The following THSD7A variants were observed in gnomAD, a reference collection of about 807,000 sequenced individuals.
THSD7A encodes thrombospondin type-1 domain-containing protein 7A.
Under a neutral mutation model 231.3 loss-of-function variants are expected in THSD7A, and 96 were observed. The observed-to-expected ratio is 0.41, with a 90% confidence interval of 0.35 to 0.49. THSD7A has a LOEUF of 0.49. THSD7A is among the 20% of genes least tolerant of loss of function. THSD7A has a pLI of 0.05. For missense variants in THSD7A, 2,290 were observed against 2,070.2 expected (o/e 1.11, Z -2.06); for synonymous variants, 940 against 743.3 (o/e 1.26, Z -4.30).
At chr7:11,408,332 TA>T (rs939327549) in intron 19 of THSD7A, among the ~76,000 whole-genome samples, 5 of 151,304 alleles carry the variant, frequency 3.3e-5, no homozygotes, top group Admixed American at 6.6e-5. Flanking sequence ...TCACCTCTAC[TA>T]AAAAAAATAT....
At chr7:11,811,135 G>A (rs926561272) in intron 1 of THSD7A, among the ~76,000 whole-genome samples, 1 of 152,076 alleles carries the variant, frequency 6.6e-6, no homozygotes, top group Non-Finnish European at 1.5e-5. Context: ...TTAAAACTTG[G>A]TGATTTGTGT....
chr7:11,588,992 A>G (rs193033089), intron 4 of THSD7A, among the ~76,000 whole-genome samples: 1 of 152,258 alleles, frequency 6.6e-6, no homozygotes, highest in Admixed American at 6.5e-5. Context: ...CAACTGCAAA[A>G]CTTCAGTTTT....
chr7:11,618,321 A>G (rs1781177817), intron 2 of THSD7A, among the ~76,000 whole-genome samples: 1 of 152,216 alleles, frequency 6.6e-6, no homozygotes, highest in Admixed American at 6.5e-5. Flanking sequence ...TTGTATACAC[A>G]CATATTGTAT....
At chr7:11,609,584 A>G (rs1415940411) in intron 2 of THSD7A, among the ~76,000 whole-genome samples, 3 of 152,120 alleles carry the variant, frequency 2.0e-5, no homozygotes, top group African/African-American at 7.2e-5. Context: ...TTGTTGCCCA[A>G]CATAAGAAGA....
rs1315242997 is a variant in THSD7A at position 11,426,730 on chromosome 7, TCA to T, written c.3244-61_3244-60del. 3.3e-6 allele frequency: 5 copies of T among 1,512,136 alleles called. No homozygotes were observed. In the African/African-American group the frequency reaches 6.9e-5, roughly 21 times the overall value. The allele number at this position is 1,512,136 out of a possible 1,614,324, so 93.7% of individuals were successfully genotyped here. Reference sequence around the variant, plus strand: ...GAGAGAAATAAGGTAGGTGAAAATGTCAGTATGCTATGAGAAGAACACATGGT... The same window carrying T: ...GAGAGAAATAAGGTAGGTGAAAATGTGTATGCTATGAGAAGAACACATGGT... On this transcript the variant is annotated intron_variant, in intron 14 of 27. Coordinates refer to ENST00000423059, the MANE Select transcript of THSD7A (RefSeq NM_015204.3).
chr7:11,539,854 C>T (rs533990195), intron 6 of THSD7A, among the ~76,000 whole-genome samples: 7 of 152,246 alleles, frequency 4.6e-5, no homozygotes, highest in African/African-American at 1.4e-4. Flanking sequence ...AAATACTTTT[C>T]ACAATACCTG....
intron 1 of THSD7A, among the ~76,000 whole-genome samples, chr7:11,697,110 T>C (rs979106777): frequency 2.0e-5 from 3 of 151,482 alleles, no homozygotes; most frequent in African/African-American, 7.3e-5. Context: ...TATGGTTCTT[T>C]CAACATATGA....
chr7:11,631,867 C>A (rs1307618314), intron 2 of THSD7A, among the ~76,000 whole-genome samples: 1 of 152,130 alleles, frequency 6.6e-6, no homozygotes, highest in Non-Finnish European at 1.5e-5. Context: ...GAGGCTCAAT[C>A]CTGACCAATG....
chr7:11,694,436 T>G (rs1383532166), intron 1 of THSD7A, among the ~76,000 whole-genome samples: 1 of 151,568 alleles, frequency 6.6e-6, no homozygotes, highest in Non-Finnish European at 1.5e-5. Context: ...CCAAGTGCTA[T>G]TCTATCTCCA....
At chr7:11,549,910 C>G (rs1382850637) in intron 4 of THSD7A, among the ~76,000 whole-genome samples, 1 of 152,008 alleles carries the variant, frequency 6.6e-6, no homozygotes, top group Non-Finnish European at 1.5e-5. Context: ...TACACATGTA[C>G]CCCAGAACTT....
Position 11,636,750 on chromosome 7 carries a change from G to A in THSD7A, c.402C>T (p.Pro134=), listed in dbSNP as rs2074598. The A allele has an allele frequency of 0.26, 421,373 of 1,613,630 alleles. 56,325 individuals are homozygous for A. Among genetic ancestry groups the A allele is most frequent in the Admixed American group, 0.33 (19,594 of 60,002 alleles). Residue 134 remains proline, a synonymous_variant, in exon 2 of 28, where the codon CCC becomes CCT. Coordinates refer to ENST00000423059, the MANE Select transcript of THSD7A (RefSeq NM_015204.3). This position sits in a 1 kb window ranked among gnomAD's most constrained non-coding sequence, Gnocchi z 10.0. ...GTTTCTCTAGGCTTTTTGAAATCACGGGCTGACACTGATTCCAAGGTCCCA... is the reference window on the plus strand; with the variant it reads ...GTTTCTCTAGGCTTTTTGAAATCACAGGCTGACACTGATTCCAAGGTCCCA... ...WRLGPWNQCQ[P]VISKSLEKPL... is the part of the protein sequence containing the mutation.
rs1253410283 is a variant in THSD7A, at chr7:11,705,856, T to C, written c.191-68895A>G. 2.0e-5 allele frequency among the ~76,000 whole-genome samples: 3 copies of C among 150,984 alleles called. No homozygotes were observed. The East Asian group carries it at 5.9e-4, about 30-fold the overall frequency. On this transcript the variant is annotated intron_variant, in intron 1 of 27. Coordinates refer to ENST00000423059, the MANE Select transcript of THSD7A (RefSeq NM_015204.3). Reference sequence around the variant, plus strand: ...GTTCCAATATTGATGTTATTCAGTGTCTCAACACCTATCACAAAGAAGGCT... The same window carrying C: ...GTTCCAATATTGATGTTATTCAGTGCCTCAACACCTATCACAAAGAAGGCT...
intron 1 of THSD7A, among the ~76,000 whole-genome samples, chr7:11,798,655 G>C (rs1045275087): frequency 6.6e-6 from 1 of 151,978 alleles, no homozygotes; most frequent in Non-Finnish European, 1.5e-5. Context: ...CATGAGATTA[G>C]AACTGAAAAA....
chr7:11,614,189 C>T (rs772947900), intron 2 of THSD7A, among the ~76,000 whole-genome samples: 1 of 152,166 alleles, frequency 6.6e-6, no homozygotes, highest in Non-Finnish European at 1.5e-5. Context: ...GGGAGTTACA[C>T]CTAATAATCC....
chr7:11,718,435 T>C lies in THSD7A; in HGVS notation c.191-81474A>G, dbSNP rs563378098. Among the ~76,000 whole-genome samples the C allele has an allele frequency of 3.3e-5, 5 of 151,834 alleles. No individual in the cohort carries two copies. The South Asian group carries it at 6.2e-4, about 19-fold the overall frequency. ...TGTGTCACAGGCCACATTATTGCCC[T>C]ATTAAAATATTTGCAGCTTGAATAC... On this transcript the variant is annotated intron_variant, in intron 1 of 27. Coordinates refer to ENST00000423059, the MANE Select transcript of THSD7A (RefSeq NM_015204.3).
chr7:11,648,637 CGTGTGTGTGTGT>C (rs3031455), intron 1 of THSD7A, among the ~76,000 whole-genome samples: 1 of 141,058 alleles, frequency 7.1e-6, no homozygotes, highest in Non-Finnish European at 1.5e-5. Context: ...TATTTTGTGG[CGTGTGTGTGTGT>C]GTGTGTGTGT....
At chr7:11,819,644 T>C (rs1475818498) in intron 1 of THSD7A, among the ~76,000 whole-genome samples, 1 of 152,140 alleles carries the variant, frequency 6.6e-6, no homozygotes, top group African/African-American at 2.4e-5. Context: ...AGATATGTCT[T>C]TGCTAGGGAT....
chr7:11,731,805 G>A (rs1781745338), intron 1 of THSD7A, among the ~76,000 whole-genome samples: 2 of 151,706 alleles, frequency 1.3e-5, no homozygotes, highest in South Asian at 2.1e-4. Flanking sequence ...GAGAAATCTT[G>A]TTGATAAAAG....
chr7:11,530,902 T>G (rs1788682275), intron 6 of THSD7A, among the ~76,000 whole-genome samples: 1 of 152,002 alleles, frequency 6.6e-6, no homozygotes, highest in Non-Finnish European at 1.5e-5. Context: ...TCCCAACTAC[T>G]TGGGAGGCTG....
Sources: gnomAD v4.1 joint callset for allele counts (sites outside exome capture counted in the v4.1 genomes callset) on GRCh38, gnomAD v4.1.1 for gene constraint, Gnocchi (gnomAD v3.1) non-coding constraint, MANE v1.5 for transcripts, NCBI Gene and HGNC (gene_info 2026-07-23, HGNC 2026-07-21) for gene names.